The following TSTD2 variants were observed in gnomAD, a reference collection of about 807,000 sequenced individuals.
TSTD2 encodes the protein thiosulfate sulfurtransferase/rhodanese-like domain-containing protein 2.
A neutral mutation model predicts 47.9 loss-of-function variants in TSTD2; 37 were observed. That is an observed-to-expected ratio of 0.77 (90% CI 0.59 to 1.02). The LOEUF (loss-of-function observed/expected upper bound fraction) is 1.02, where lower values mean the gene tolerates loss of function less well. TSTD2 is among the 50% of genes least tolerant of loss of function. The pLI is 0.00. For synonymous variants in TSTD2, 201 were observed against 215.9 expected (o/e 0.93, Z 0.61); for missense variants, 586 against 616.0 (o/e 0.95, Z 0.52).
intron 3 of TSTD2, among the ~76,000 whole-genome samples, chr9:97,622,149 A>G (rs530243050): frequency 1.3e-5 from 2 of 152,304 alleles, no homozygotes; most frequent in South Asian, 4.1e-4. Flanking sequence ...AGGAGGAAAA[A>G]ATGGTTTCAT....
chr9:97,610,133 G>A (rs1826432628), intron 6 of TSTD2: 2 of 382,162 alleles, frequency 5.2e-6, no homozygotes, highest in African/African-American at 2.1e-5. Context: ...ATCACCAAGA[G>A]GAATAAGATA....
At chr9:97,608,878 A>G (rs1304299667) in intron 6 of TSTD2, among the ~76,000 whole-genome samples, 1 of 152,140 alleles carries the variant, frequency 6.6e-6, no homozygotes, top group Non-Finnish European at 1.5e-5. Flanking sequence ...CTTCACTCTT[A>G]GACTTCTTTC....
chr9:97,615,814 G>C (rs750450722), intron 4 of TSTD2, among the ~76,000 whole-genome samples: 4 of 152,094 alleles, frequency 2.6e-5, no homozygotes, highest in Non-Finnish European at 4.4e-5. Context: ...CCATCTTTCA[G>C]GGTGTGGAAG....
chr9:97,612,534 C>G (rs753276105), intron 4 of TSTD2, among the ~76,000 whole-genome samples: 1 of 152,170 alleles, frequency 6.6e-6, no homozygotes, highest in Non-Finnish European at 1.5e-5. Context: ...TTAATAACAG[C>G]CATTCTGACA....
intron 1 of TSTD2, among the ~76,000 whole-genome samples, chr9:97,631,820 G>C (rs568707226): frequency 1.3e-5 from 2 of 151,536 alleles, no homozygotes; most frequent in South Asian, 2.1e-4. Flanking sequence ...CTCCAGCCTG[G>C]GCAACAGAGC....
chr9:97,605,339 T>C (rs1414058270), intron 8 of TSTD2, 144 bp downstream of exon 8: 1 of 934,056 alleles, frequency 1.1e-6, no homozygotes, highest in Non-Finnish European at 1.6e-6. Context: ...ACGAACTCCA[T>C]GCTGGAGCCA....
rs1476492400 is a variant in TSTD2, at chr9:97,602,531, G to C, written c.1489C>G (p.Arg497Gly). The C allele has an allele frequency of 1.2e-6, 2 of 1,614,006 alleles. No homozygotes were observed. Among genetic ancestry groups the C allele is most frequent in the African/African-American group, 2.7e-5 (2 of 74,934 alleles). The change falls in exon 10 of 10, where the codon CGA becomes GGA. Residue 497 changes from arginine (R) to glycine (G), a missense_variant. Transcript: ENST00000341170. ...CCTGGCTCTGGGCTCACAGGCTGTCGCACATGCTGCAAGAGTTCCCTAGGT... is the reference window on the plus strand; with the variant it reads ...CCTGGCTCTGGGCTCACAGGCTGTCCCACATGCTGCAAGAGTTCCCTAGGT... ...RIPRELLQHV[R>G]QPVSPEPGPD...
rs1369146169 is a variant in TSTD2, at chr9:97,602,760, T to A, written c.1260A>T (p.Ser420=). 1 of 1,609,172 alleles carries A rather than the reference T, an allele frequency of 6.2e-7. No individual in the cohort carries two copies. The highest frequency in any genetic ancestry group is 2.2e-5 in the East Asian group (1 of 44,778). The change falls in exon 10 of 10, where the codon TCA becomes TCT. Residue 420 remains serine, a synonymous_variant. Transcript: ENST00000341170. ...SYNSDVVSEC[S]YCGARWDQYK... ...ACTGGTCCCAGCGGGCTCCACAGTATGAACACTCTGGGGAGGAAGGAAAAG... is the reference window on the plus strand; with the variant it reads ...ACTGGTCCCAGCGGGCTCCACAGTAAGAACACTCTGGGGAGGAAGGAAAAG...
At chr9:97,630,210 T>C (rs556732957) in intron 1 of TSTD2, among the ~76,000 whole-genome samples, 1 of 152,292 alleles carries the variant, frequency 6.6e-6, no homozygotes, top group African/African-American at 2.4e-5. Flanking sequence ...GTTCCACAAA[T>C]GAGCCATGTT....
intron 9 of TSTD2, among the ~76,000 whole-genome samples, chr9:97,603,611 T>C (rs1348570718): frequency 6.6e-6 from 1 of 152,242 alleles, no homozygotes; most frequent in Non-Finnish European, 1.5e-5. Flanking sequence ...CAAATGTGCA[T>C]GCCACCTGGG....
At chr9:97,615,803 T>A (rs1447566263) in intron 4 of TSTD2, among the ~76,000 whole-genome samples, 1 of 152,174 alleles carries the variant, frequency 6.6e-6, no homozygotes, top group Admixed American at 6.5e-5. Flanking sequence ...TGTGAGAGTA[T>A]CCATCTTTCA....
At chr9:97,627,323 C>A (rs1324205336) in intron 2 of TSTD2, 75 bp downstream of exon 2, 1 of 1,498,628 alleles carries the variant, frequency 6.7e-7, no homozygotes, top group Non-Finnish European at 8.9e-7. Flanking sequence ...TGGAGAGCAA[C>A]CTTGATAACC....
At chr9:97,631,144 T>A (rs575838437) in intron 1 of TSTD2, among the ~76,000 whole-genome samples, 22 of 152,250 alleles carry the variant, frequency 1.4e-4, no homozygotes, top group African/African-American at 4.6e-4. Flanking sequence ...TTTGAGACGG[T>A]TTTCGTTCTG....
rs1313386894 is a variant in TSTD2, at chr9:97,606,124, A to G, written c.954+19T>C. The G allele has an allele frequency of 1.3e-6, 2 of 1,508,554 alleles. No individual in the cohort carries two copies. Among genetic ancestry groups the G allele is most frequent in the South Asian group, 1.1e-5 (1 of 88,366 alleles). The allele number at this position is 1,508,554 out of a possible 1,614,324, so 93.4% of individuals were successfully genotyped here. On this transcript the variant is annotated intron_variant, in intron 7 of 9. Coordinates refer to ENST00000341170, the MANE Select transcript of TSTD2 (RefSeq NM_139246.5). ...GGAGATCTACCAATTCAGAGAACTC[A>G]GTTCTGGCTTTTACTTACTATTTTG... is the stretch of plus-strand genomic sequence containing the variant.
chr9:97,621,907 G>A (rs1284612563), intron 3 of TSTD2, among the ~76,000 whole-genome samples: 2 of 151,660 alleles, frequency 1.3e-5, no homozygotes, highest in African/African-American at 2.4e-5. Flanking sequence ...CTCCCTATTC[G>A]TACACCCTTC....
intron 3 of TSTD2, among the ~76,000 whole-genome samples, chr9:97,620,250 G>C (rs1009325240): frequency 2.6e-5 from 4 of 152,132 alleles, no homozygotes; most frequent in Non-Finnish European, 4.4e-5. Flanking sequence ...TCCTGTACAA[G>C]CTTTCTCTCT....
Position 97,611,592 on chromosome 9 carries a change from C to T in TSTD2, c.711G>A (p.Leu237=). Residue 237 remains leucine (L), a synonymous_variant, in exon 5 of 10, where the codon CTG becomes CTA. Coordinates refer to ENST00000341170, the MANE Select transcript of TSTD2 (RefSeq NM_139246.5). Reference sequence around the variant, plus strand: ...CTCTTACCTTAAAATCATCTTTACACAGGTCATCCTTAAACAATGGGAAGG... The same window carrying T: ...CTCTTACCTTAAAATCATCTTTACATAGGTCATCCTTAAACAATGGGAAGG... ...MLSFPLFKDD[L]CKDDFKTSKG... 6.2e-7 allele frequency: 1 copy of T among 1,602,834 alleles called. No individual in the cohort carries two copies. The highest frequency in any genetic ancestry group is 8.5e-7 in the Non-Finnish European group (1 of 1,170,504).
intron 4 of TSTD2, 91 bp from the exon 5 acceptor site, chr9:97,611,790 G>A: frequency 7.4e-7 from 1 of 1,343,160 alleles, no homozygotes; most frequent in Non-Finnish European, 1.0e-6. Context: ...GTGTCAATGA[G>A]TTTAACAGGA....
chr9:97,609,834 A>T (rs921051507), intron 6 of TSTD2, among the ~76,000 whole-genome samples: 1 of 152,166 alleles, frequency 6.6e-6, no homozygotes, highest in Non-Finnish European at 1.5e-5. Context: ...GAACTTCACT[A>T]TATTATTTTC....
Sources: allele counts gnomAD v4.1 joint callset (sites outside exome capture counted in the v4.1 genomes callset), GRCh38; gene constraint gnomAD v4.1.1; transcripts MANE v1.5; gene names NCBI Gene and HGNC (gene_info 2026-07-23, HGNC 2026-07-21).